Variants in KIAA0319 observed in about 807,000 individuals in gnomAD.
KIAA0319 encodes dyslexia-associated protein KIAA0319.
Under a neutral mutation model 108.4 loss-of-function variants are expected in KIAA0319, and 83 were observed. The observed-to-expected ratio is 0.77, with a 90% CI of 0.64 to 0.92. The LOEUF (loss-of-function observed/expected upper bound fraction) is 0.92, where lower values mean the gene tolerates loss of function less well. KIAA0319 is among the 40% of genes least tolerant of loss of function. The pLI, the probability that KIAA0319 is intolerant of heterozygous loss-of-function variation, is 0.00. For missense variants in KIAA0319, 1,195 were observed against 1,322.4 expected, an observed-to-expected ratio of 0.90 and a Z score of 1.49; for synonymous variants, 484 against 510.4, an observed-to-expected ratio of 0.95 and a Z score of 0.70.
chr6:24,567,335 C>G (rs1368830052), intron 13 of KIAA0319, among the ~76,000 whole-genome samples: 2 of 152,132 alleles, frequency 1.3e-5, no homozygotes, highest in Non-Finnish European at 2.9e-5. Flanking sequence ...GTCTCCATCT[C>G]TATGAAAAAT....
intron 18 of KIAA0319, 114 bp from the exon 19 acceptor site, chr6:24,554,745 G>A (rs537289586): frequency 1.3e-6 from 1 of 742,672 alleles, no homozygotes; most frequent in Non-Finnish European, 2.3e-6. Context: ...GCCACCTGTG[G>A]AGTTGATAAC....
intron 16 of KIAA0319, 150 bp downstream of exon 16, chr6:24,563,209 C>T (rs1175376779): frequency 3.8e-6 from 3 of 791,692 alleles, no homozygotes; most frequent in Non-Finnish European, 5.7e-6. Flanking sequence ...CATACTACTG[C>T]CCTTTGAGAA....
chr6:24,638,726 C>G (rs918517195), intron 1 of KIAA0319, among the ~76,000 whole-genome samples: 1 of 150,562 alleles, frequency 6.6e-6, no homozygotes, highest in Non-Finnish European at 1.5e-5. Flanking sequence ...CGCCACGGCA[C>G]TCCAGCCTGG....
chr6:24,604,059 A>C (rs1212658109), intron 1 of KIAA0319, among the ~76,000 whole-genome samples: 1 of 152,076 alleles, frequency 6.6e-6, no homozygotes, highest in African/African-American at 2.4e-5. Context: ...TGGGTGTAAC[A>C]CCTCTGTGTC....
At chr6:24,584,431 TA>T (rs5874993) in intron 4 of KIAA0319, among the ~76,000 whole-genome samples, 51,753 of 91,198 alleles carry the variant, frequency 0.57, 14,117 homozygotes, top group East Asian at 0.76. Flanking sequence ...AGCAAAGATT[TA>T]AAAAAAAAAA....
chr6:24,642,316 T>C (rs1777066573), intron 1 of KIAA0319, among the ~76,000 whole-genome samples: 1 of 152,026 alleles, frequency 6.6e-6, no homozygotes, highest in South Asian at 2.1e-4. Context: ...AAAGACATTT[T>C]AAAGGGTTAT....
chr6:24,556,879 T>C (rs1366961503), intron 17 of KIAA0319, 150 bp from the exon 18 acceptor site: 4 of 890,230 alleles, frequency 4.5e-6, no homozygotes, highest in Admixed American at 3.2e-5. Context: ...GTTCTGGAGA[T>C]AGTCTCTCAT....
chr6:24,610,187 T>A (rs938795076), intron 1 of KIAA0319, among the ~76,000 whole-genome samples: 4 of 152,130 alleles, frequency 2.6e-5, no homozygotes, highest in Admixed American at 6.5e-5. Context: ...AAATCAAAAA[T>A]CTAATAAGGG....
intron 3 of KIAA0319, among the ~76,000 whole-genome samples, chr6:24,591,168 A>G (rs1215750071): frequency 6.6e-6 from 1 of 152,240 alleles, no homozygotes; most frequent in Non-Finnish European, 1.5e-5. Flanking sequence ...TATTTTATGC[A>G]TAGTACTGTT....
intron 1 of KIAA0319, among the ~76,000 whole-genome samples, chr6:24,619,936 C>T (rs1020156872): frequency 6.6e-6 from 1 of 152,162 alleles, no homozygotes; most frequent in African/African-American, 2.4e-5. Flanking sequence ...TAAAAAGTGC[C>T]GACCATCTGA....
chr6:24,599,343 C>A lies in KIAA0319; in HGVS notation c.55+1706G>T. 1.9e-6 allele frequency: 1 copy of A among 516,628 alleles called. No homozygotes were observed. Among genetic ancestry groups the A allele is most frequent in the Non-Finnish European group, 3.7e-6 (1 of 273,806 alleles). The allele number at this position is 516,628 out of a possible 1,614,324, so 32.0% of individuals were successfully genotyped here. Reference sequence around the variant, plus strand: ...GGGCCTCAAAGGCTAGAGGGCTTCCCTAGAGGCCACCATTGTGGATGCGGA... The same window carrying A: ...GGGCCTCAAAGGCTAGAGGGCTTCCATAGAGGCCACCATTGTGGATGCGGA... On this transcript the variant is annotated intron_variant, in intron 2 of 20. Transcript: ENST00000378214. The surrounding 1 kb of genome is among the most constrained non-coding windows in gnomAD (Gnocchi z 4.1).
At chr6:24,551,365 T>A in intron 20 of KIAA0319, 69 bp downstream of exon 20, 1 of 1,027,294 alleles carries the variant, frequency 9.7e-7, no homozygotes, top group East Asian at 2.4e-5. Flanking sequence ...TCTATCCAAG[T>A]TAGCCCTCAG....
chr6:24,540,233 T>G (rs1390193847), downstream of KIAA0319, among the ~76,000 whole-genome samples: 1 of 152,268 alleles, frequency 6.6e-6, no homozygotes, highest in African/African-American at 2.4e-5. Context: ...TATTATATAC[T>G]GTACATAATT....
chr6:24,592,219 T>C (rs1768607422), intron 3 of KIAA0319, among the ~76,000 whole-genome samples: 1 of 152,218 alleles, frequency 6.6e-6, no homozygotes, highest in African/African-American at 2.4e-5. Context: ...AGGTATGAGA[T>C]AGGGGTCTAA....
At chr6:24,622,277 A>G (rs1562087217) in intron 1 of KIAA0319, among the ~76,000 whole-genome samples, 1 of 151,770 alleles carries the variant, frequency 6.6e-6, no homozygotes, top group Non-Finnish European at 1.5e-5. Context: ...CTCACAGATC[A>G]AAAGGAACAG....
chr6:24,636,074 T>C (rs1332674285), intron 1 of KIAA0319, among the ~76,000 whole-genome samples: 1 of 152,182 alleles, frequency 6.6e-6, no homozygotes, highest in Non-Finnish European at 1.5e-5. Context: ...TGCCTCTTTA[T>C]GGGGACTTTG....
At chr6:24,641,128 C>T (rs550150693) in intron 1 of KIAA0319, among the ~76,000 whole-genome samples, 35 of 152,320 alleles carry the variant, frequency 2.3e-4, no homozygotes, top group African/African-American at 8.4e-4. Context: ...TTTGACTACA[C>T]TGAATAGTTC....
At chr6:24,551,269 C>T (rs555815090) in intron 20 of KIAA0319, among the ~76,000 whole-genome samples, 165 bp downstream of exon 20, 2 of 152,194 alleles carry the variant, frequency 1.3e-5, no homozygotes, top group African/African-American at 4.8e-5. Flanking sequence ...CCACTGGGCC[C>T]GGCCTGAAGG....
chr6:24,581,146 T>C (rs1766474042), intron 6 of KIAA0319, 133 bp from the exon 7 acceptor site: 4 of 653,206 alleles, frequency 6.1e-6, no homozygotes, highest in African/African-American at 1.8e-5. Context: ...GACAGTCTCA[T>C]TTGGATCTGT....
Sources: gnomAD v4.1 joint callset for allele counts (sites outside exome capture counted in the v4.1 genomes callset) on GRCh38, gnomAD v4.1.1 for gene constraint, Gnocchi (gnomAD v3.1) non-coding constraint, MANE v1.5 for transcripts, NCBI Gene and HGNC (gene_info 2026-07-23, HGNC 2026-07-21) for gene names.